Variants in DMD observed in about 807,000 individuals in gnomAD.
DMD encodes dystrophin, also known as mutant dystrophin.
DMD carries 63 observed loss-of-function variants against 330.1 expected under a neutral mutation model. That is an observed-to-expected ratio of 0.19 (90% CI 0.16 to 0.24). The LOEUF (loss-of-function observed/expected upper bound fraction) is 0.24. Ranked by LOEUF, DMD falls within the 10% of genes least tolerant of loss-of-function variation. The pLI is 1.00. For missense variants in DMD, 3,344 were observed against 2,684.1 expected (o/e 1.25, Z -5.43); for synonymous variants, 1,223 against 959.8 (o/e 1.27, Z -5.07).
intron 44 of DMD, among the ~76,000 whole-genome samples, chrX:32,187,138 A>G (rs2096951352): frequency 9.0e-6 from 1 of 111,331 alleles, no homozygotes; most frequent in South Asian, 3.7e-4. Flanking sequence ...AATATTTTAG[A>G]CACTTTGAAG....
intron 17 of DMD, among the ~76,000 whole-genome samples, chrX:32,539,837 ATCC>A (rs1405331537): frequency 1.8e-5 from 2 of 111,760 alleles, no homozygotes; most frequent in African/African-American, 6.5e-5. Flanking sequence ...CAGTCAATTT[ATCC>A]TCCTATGTAG....
At chrX:32,179,259 A>G (rs1180906602) in intron 44 of DMD, among the ~76,000 whole-genome samples, 2 of 111,151 alleles carry the variant, frequency 1.8e-5, no homozygotes, top group African/African-American at 6.5e-5. Flanking sequence ...CTTCCTAGGT[A>G]TCAGAATTTT....
intron 44 of DMD, among the ~76,000 whole-genome samples, chrX:32,139,162 T>C (rs1310334093): frequency 1.8e-5 from 2 of 112,529 alleles, no homozygotes; most frequent in Non-Finnish European, 1.9e-5. Context: ...TTGAGCTGGA[T>C]ATAGAAGACT....
intron 2 of DMD, among the ~76,000 whole-genome samples, chrX:32,875,250 T>C (rs917192507): frequency 1.8e-5 from 2 of 111,560 alleles, no homozygotes; most frequent in African/African-American, 6.5e-5. Flanking sequence ...TACTATTGCC[T>C]ATGTTTCTAT....
Position 33,299,670 on chromosome X carries a change from T to C in DMD, c.7+39589A>G, listed in dbSNP as rs78694901. Reference sequence around the variant, plus strand: ...AAGGCAAGAATATTTGGCTGAATAATGGAATATGTTTTTCTAGCCATTCTG... The same window carrying C: ...AAGGCAAGAATATTTGGCTGAATAACGGAATATGTTTTTCTAGCCATTCTG... On this transcript the variant is annotated intron_variant, in intron 1 of 17. Transcript: ENST00000288447. Among the ~76,000 whole-genome samples, 3 of 112,214 alleles carry C rather than the reference T, an allele frequency of 2.7e-5. No homozygotes were observed. The East Asian group carries it at 8.4e-4, about 32-fold the overall frequency.
chrX:31,337,895 T>C (rs954991349), intron 61 of DMD, among the ~76,000 whole-genome samples: 12 of 111,891 alleles, frequency 1.1e-4, no homozygotes, highest in Non-Finnish European at 1.7e-4. Context: ...TGGTGGTTAG[T>C]GATCCAGCTA....
At chrX:31,664,529 C>CTTTTT (rs57706460) in intron 53 of DMD, among the ~76,000 whole-genome samples, 9,859 of 63,415 alleles carry the variant, frequency 0.16, 1,269 homozygotes, top group East Asian at 0.25. Flanking sequence ...AGTGTTCAAG[C>CTTTTT]TTTTTTTTTT....
intron 7 of DMD, among the ~76,000 whole-genome samples, chrX:32,700,110 C>T (rs988595412): frequency 2.6e-4 from 29 of 111,825 alleles, no homozygotes; most frequent in Admixed American, 1.2e-3. Flanking sequence ...AATTTACTTA[C>T]TGCACTCATT....
At chrX:32,182,526 C>G (rs1050827110) in intron 44 of DMD, among the ~76,000 whole-genome samples, 6 of 111,035 alleles carry the variant, frequency 5.4e-5, no homozygotes, top group Admixed American at 4.8e-4. Context: ...CATCCCCCTC[C>G]CCCCAGGTCT....
intron 63 of DMD, among the ~76,000 whole-genome samples, chrX:31,227,626 A>G (rs974814535): frequency 9.0e-6 from 1 of 110,973 alleles, no homozygotes; most frequent in Non-Finnish European, 1.9e-5. Flanking sequence ...GTTTTTTCCA[A>G]TTCTGTGAAG....
chrX:32,712,700 C>A (rs928003751), intron 7 of DMD, among the ~76,000 whole-genome samples: 1 of 111,150 alleles, frequency 9.0e-6, no homozygotes, highest in Non-Finnish European at 1.9e-5. Flanking sequence ...TGTTATCATA[C>A]TGAGGTTATT....
At chrX:32,397,390 G>A (rs2098052772) in intron 30 of DMD, among the ~76,000 whole-genome samples, 3 of 111,730 alleles carry the variant, frequency 2.7e-5, no homozygotes, top group Non-Finnish European at 5.7e-5. Flanking sequence ...GGATACTGAT[G>A]TGAACACTCA....
intron 7 of DMD, among the ~76,000 whole-genome samples, chrX:32,780,800 T>A (rs1027085699): frequency 8.2e-5 from 9 of 110,243 alleles, no homozygotes; most frequent in Non-Finnish European, 1.5e-4. Flanking sequence ...GTAAAAGCCG[T>A]GTCTTCAAGA....
chrX:33,247,799 G>A (rs184404841), intron 1 of DMD, among the ~76,000 whole-genome samples: 3 of 111,543 alleles, frequency 2.7e-5, no homozygotes, highest in African/African-American at 9.7e-5. Context: ...GCATTTTTAT[G>A]TTGGTAAATT....
intron 11 of DMD, among the ~76,000 whole-genome samples, chrX:32,616,518 G>T (rs1226458527): frequency 9.1e-6 from 1 of 110,084 alleles, no homozygotes; most frequent in African/African-American, 3.3e-5. Flanking sequence ...TGGACATTGG[G>T]AAGTCTCTTA....
At chrX:31,284,579 T>TTCTTCTTCTTCTTCTTCTTCTTCC (rs1556431155) in intron 62 of DMD, among the ~76,000 whole-genome samples, 5 of 94,098 alleles carry the variant, frequency 5.3e-5, no homozygotes, top group Non-Finnish European at 1.0e-4. Flanking sequence ...CTTCTTCTTC[T>TTCTTCTTCTTCTTCTTCTTCTTCC]TCTTCTTCTT....
intron 61 of DMD, among the ~76,000 whole-genome samples, chrX:31,324,415 A>G: frequency 9.2e-6 from 1 of 109,243 alleles, no homozygotes; most frequent in Non-Finnish European, 1.9e-5. Context: ...TTCAGGCTTA[A>G]GTTGTAGGAT....
intron 55 of DMD, among the ~76,000 whole-genome samples, chrX:31,623,674 T>C (rs996711442): frequency 9.0e-6 from 1 of 111,706 alleles, no homozygotes; most frequent in African/African-American, 3.3e-5. Flanking sequence ...CAGAAGACAA[T>C]TTTTATAATG....
chrX:32,363,045 G>A (rs2097842773), intron 36 of DMD, 87 bp from the exon 37 acceptor site: 1 of 886,698 alleles, frequency 1.1e-6, no homozygotes, highest in South Asian at 2.1e-5. Context: ...GAGCGAGTGA[G>A]CAAGTGAGCG....
Sources: gnomAD v4.1 joint callset for allele counts (sites outside exome capture counted in the v4.1 genomes callset) on GRCh38, gnomAD v4.1.1 for gene constraint, MANE v1.5 for transcripts, NCBI Gene and HGNC (gene_info 2026-07-23, HGNC 2026-07-21) for gene names.